Variants in C8orf34 observed in about 807,000 individuals in gnomAD.
C8orf34 encodes chromosome 8 open reading frame 34, also known as uncharacterized protein C8orf34.
C8orf34 carries 65 observed loss-of-function variants against 68.3 expected under a neutral mutation model. That is an observed-to-expected ratio of 0.95 (90% confidence interval 0.78 to 1.17). The LOEUF (loss-of-function observed/expected upper bound fraction) is 1.17, where lower values mean the gene tolerates loss of function less well. Among genes scored for constraint, C8orf34 ranks in the 50% most tolerant of loss-of-function variants. The probability of loss-of-function intolerance (pLI) is 0.00; values close to 1 mark genes in which losing one functional copy is unlikely to be tolerated. For missense variants in C8orf34, 664 were observed against 655.4 expected, an observed-to-expected ratio of 1.01 and a Z score of -0.14; for synonymous variants, 244 against 241.2, an observed-to-expected ratio of 1.01 and a Z score of -0.11.
chr8:68,708,479 G>A (rs1285851886), intron 8 of C8orf34, among the ~76,000 whole-genome samples: 4 of 152,190 alleles, frequency 2.6e-5, no homozygotes, highest in Admixed American at 6.5e-5. Flanking sequence ...CAGTGTCTAT[G>A]AGAAGTCTGG....
intron 7 of C8orf34, chr8:68,625,501 C>T: frequency 1.7e-6 from 1 of 595,908 alleles, no homozygotes; most frequent in African/African-American, 1.9e-5. Context: ...TAAAATTCCA[C>T]TTGGGGTGGC....
intron 1 of C8orf34, among the ~76,000 whole-genome samples, chr8:68,430,062 C>G (rs1402664793): frequency 6.6e-6 from 1 of 152,074 alleles, no homozygotes; most frequent in Non-Finnish European, 1.5e-5. Flanking sequence ...AAGCTCAGAA[C>G]TTTCAGTCCC....
At chr8:68,367,907 G>GAAAAAAAA (rs1807360133) in intron 1 of C8orf34, among the ~76,000 whole-genome samples, 89 of 14,974 alleles carry the variant, frequency 5.9e-3, no homozygotes, top group Non-Finnish European at 7.9e-3. Context: ...AATAAAAAAA[G>GAAAAAAAA]AAAAGAAAAA....
chr8:68,624,260 A>G (rs1349569665), intron 7 of C8orf34, among the ~76,000 whole-genome samples: 1 of 148,624 alleles, frequency 6.7e-6, no homozygotes, highest in Non-Finnish European at 1.5e-5. Context: ...GGACAGAGGG[A>G]GGCTCTGTCT....
At chr8:68,422,143 C>T (rs922666976) in intron 1 of C8orf34, among the ~76,000 whole-genome samples, 1 of 152,166 alleles carries the variant, frequency 6.6e-6, no homozygotes, top group Non-Finnish European at 1.5e-5. Flanking sequence ...ATCTCATGTC[C>T]TCACATTTCA....
chr8:68,590,201 G>T (rs1347905410), intron 7 of C8orf34, among the ~76,000 whole-genome samples: 2 of 145,880 alleles, frequency 1.4e-5, no homozygotes, highest in Non-Finnish European at 3.0e-5. Context: ...GAGAGAAAGG[G>T]GGAGGGAGGG....
intron 10 of C8orf34, among the ~76,000 whole-genome samples, chr8:68,737,788 T>C (rs890184400): frequency 2.0e-5 from 3 of 152,102 alleles, no homozygotes; most frequent in Non-Finnish European, 4.4e-5. Context: ...CTGAGAGACC[T>C]TCAAAGCAAC....
chr8:68,379,662 A>G (rs1026424031), intron 1 of C8orf34, among the ~76,000 whole-genome samples: 1 of 152,174 alleles, frequency 6.6e-6, no homozygotes, highest in African/African-American at 2.4e-5. Flanking sequence ...TCCTACAACA[A>G]GTCACTGATT....
At chr8:68,482,638 T>TTAC (rs368966498) in intron 4 of C8orf34, among the ~76,000 whole-genome samples, 1 of 152,164 alleles carries the variant, frequency 6.6e-6, no homozygotes, top group African/African-American at 2.4e-5. Context: ...GATAAAAGTT[T>TTAC]TACTTACACA....
At chr8:68,499,313 A>G (rs1452690674) in intron 5 of C8orf34, among the ~76,000 whole-genome samples, 1 of 152,358 alleles carries the variant, frequency 6.6e-6, no homozygotes, top group East Asian at 1.9e-4. Flanking sequence ...GAAATCAAAG[A>G]TACATTCAAA....
intron 8 of C8orf34, among the ~76,000 whole-genome samples, chr8:68,676,119 G>C (rs1820182351): frequency 6.6e-6 from 1 of 152,108 alleles, no homozygotes; most frequent in Non-Finnish European, 1.5e-5. Flanking sequence ...CTGCTTGCTT[G>C]AGCTCAGGAG....
At chr8:68,701,727 C>T (rs2130937053) in intron 8 of C8orf34, among the ~76,000 whole-genome samples, 1 of 152,216 alleles carries the variant, frequency 6.6e-6, no homozygotes, top group East Asian at 1.9e-4. Flanking sequence ...TGTTTCAAAA[C>T]TCTCCAGTGG....
At chr8:68,805,807 T>C (rs13439585) in intron 12 of C8orf34, among the ~76,000 whole-genome samples, 37,853 of 152,114 alleles carry the variant, frequency 0.25, 5,196 homozygotes, top group East Asian at 0.47. Flanking sequence ...CTCATTTAGT[T>C]TACTTGTGCG....
intron 8 of C8orf34, among the ~76,000 whole-genome samples, chr8:68,694,176 G>T (rs1820762429): frequency 6.6e-6 from 1 of 151,914 alleles, no homozygotes; most frequent in Non-Finnish European, 1.5e-5. Context: ...TAATTATCCA[G>T]GAAAACAAGC....
chr8:68,524,145 C>T (rs1251301041), intron 6 of C8orf34, among the ~76,000 whole-genome samples: 1 of 152,200 alleles, frequency 6.6e-6, no homozygotes. Flanking sequence ...CTACAACACT[C>T]CATCTTTGTT....
chr8:68,626,060 A>T (rs552238329), intron 7 of C8orf34, among the ~76,000 whole-genome samples: 1 of 152,332 alleles, frequency 6.6e-6, no homozygotes, highest in East Asian at 1.9e-4. Flanking sequence ...TATAAATATT[A>T]GTTTGATTTT....
chr8:68,446,227 C>A (rs988776407), intron 2 of C8orf34, 102 bp from the exon 3 acceptor site: 6 of 880,206 alleles, frequency 6.8e-6, no homozygotes, highest in Non-Finnish European at 1.1e-5. Flanking sequence ...TATGAGGTGA[C>A]CTATATGTTT....
intron 7 of C8orf34, among the ~76,000 whole-genome samples, chr8:68,582,744 G>A (rs1445760308): frequency 2.0e-5 from 3 of 151,934 alleles, no homozygotes; most frequent in African/African-American, 7.3e-5. Context: ...TGGGGCCCCT[G>A]TGAAAAAAGA....
At chr8:68,698,406 T>C (rs1820896556) in intron 8 of C8orf34, among the ~76,000 whole-genome samples, 1 of 152,054 alleles carries the variant, frequency 6.6e-6, no homozygotes, top group African/African-American at 2.4e-5. Flanking sequence ...TCACTTTCAA[T>C]GTTATAGCAC....
Sources: gnomAD v4.1 joint callset for allele counts (sites outside exome capture counted in the v4.1 genomes callset) on GRCh38, gnomAD v4.1.1 for gene constraint, MANE v1.5 for transcripts, NCBI Gene and HGNC (gene_info 2026-07-23, HGNC 2026-07-21) for gene names.